Variants in CLTCL1 observed in about 807,000 individuals in gnomAD.
CLTCL1 encodes the protein clathrin heavy chain like 1, also known as clathrin heavy chain 2.
CLTCL1 carries 159 observed loss-of-function variants against 190.0 expected under a neutral mutation model. The observed-to-expected ratio is 0.84, with a 90% CI of 0.74 to 0.95. The LOEUF (loss-of-function observed/expected upper bound fraction) is 0.95, where lower values mean the gene tolerates loss of function less well. CLTCL1 is among the 40% of genes least tolerant of loss of function. The probability of loss-of-function intolerance (pLI) is 0.00; values close to 1 mark genes in which losing one functional copy is unlikely to be tolerated. For synonymous variants in CLTCL1, 752 were observed against 769.6 expected, an observed-to-expected ratio of 0.98 and a Z score of 0.38; for missense variants, 1,878 against 2,033.4, an observed-to-expected ratio of 0.92 and a Z score of 1.47.
rs2085969483 is a variant in CLTCL1, at chr22:19,233,210, C to A, written c.1477G>T (p.Ala493Ser). The change falls in exon 9 of 33, where the codon GCA becomes TCA. Residue 493 changes from alanine (A) to serine (S), a missense_variant. Coordinates refer to ENST00000427926, the MANE Select transcript of CLTCL1 (RefSeq NM_007098.4). Reference protein sequence around the residue: ...NVPSKVIQCFAETGQFQKIVL... With the variant: ...NVPSKVIQCFSETGQFQKIVL... ...ATTTTCTGGAATTGGCCTGTTTCTGCAAAACACTGGATCACTTTGCTTGGC... is the reference window on the plus strand; with the variant it reads ...ATTTTCTGGAATTGGCCTGTTTCTGAAAAACACTGGATCACTTTGCTTGGC... 14 of 1,613,830 alleles carry A rather than the reference C, an allele frequency of 8.7e-6. No individual in the cohort carries two copies. The highest frequency in any genetic ancestry group is 1.3e-5 in the African/African-American group (1 of 74,940).
Position 19,226,222 on chromosome 22 carries a change from G to A in CLTCL1, c.1944C>T (p.Pro648=), listed in dbSNP as rs782294157. ...AGTGCCCAGGGGTACACAGTACCTCGGGATTGAGGAGGTGAGTGTGGACCA... is the reference window on the plus strand; with the variant it reads ...AGTGCCCAGGGGTACACAGTACCTCAGGATTGAGGAGGTGAGTGTGGACCA... ...RAVVHTHLLN[P]EWLVNFFGSL... Residue 648 remains proline, a synonymous_variant, in exon 12 of 33, where the codon CCC becomes CCT. Coordinates refer to ENST00000427926, the MANE Select transcript of CLTCL1 (RefSeq NM_007098.4). The A allele has an allele frequency of 9.9e-6, 16 of 1,613,436 alleles. 1 individual carries two copies. Among genetic ancestry groups the A allele is most frequent in the Middle Eastern group, 1.7e-4 (1 of 5,934 alleles).
chr22:19,291,512 CG>C, intron 1 of CLTCL1, 87 bp downstream of exon 1: 7 of 1,183,096 alleles, frequency 5.9e-6, no homozygotes, highest in South Asian at 3.0e-5. Context: ...AGCGGCTCAG[CG>C]GGGCTGGGGG....
At position 19,196,485 on chromosome 22, in the gene CLTCL1, G is replaced by C; in HGVS notation, c.4041+4C>G. 6.2e-7 allele frequency: 1 copy of C among 1,614,086 alleles called. No individual in the cohort carries two copies. Among genetic ancestry groups the C allele is most frequent in the Non-Finnish European group, 8.5e-7 (1 of 1,179,898 alleles). On this transcript the variant is annotated splice_donor_region_variant and intron_variant, in intron 25 of 32. Transcript: ENST00000427926. ...GCTGCCAGACTGCAAGGAGTACACGGTACCTTTGGGATGTTGACACGGGAC... is the reference window on the plus strand; with the variant it reads ...GCTGCCAGACTGCAAGGAGTACACGCTACCTTTGGGATGTTGACACGGGAC...
At chr22:19,267,019 C>A (rs2087142696) in intron 2 of CLTCL1, among the ~76,000 whole-genome samples, 1 of 152,072 alleles carries the variant, frequency 6.6e-6, no homozygotes, top group Non-Finnish European at 1.5e-5. Context: ...CAAACAGAAT[C>A]TGGATTAGAA....
intron 1 of CLTCL1, among the ~76,000 whole-genome samples, chr22:19,283,592 T>C (rs1220861839): frequency 7.3e-5 from 11 of 151,420 alleles, no homozygotes; most frequent in African/African-American, 2.7e-4. Flanking sequence ...TAGCTACACA[T>C]TTTAAATGGC....
intron 3 of CLTCL1, among the ~76,000 whole-genome samples, chr22:19,245,452 A>T (rs2086390272): frequency 6.6e-6 from 1 of 152,092 alleles, no homozygotes; most frequent in Non-Finnish European, 1.5e-5. Context: ...TTGGCTTCCC[A>T]AAGTGCTGGG....
chr22:19,248,154 G>A (rs1265264334), intron 3 of CLTCL1, among the ~76,000 whole-genome samples: 2 of 151,922 alleles, frequency 1.3e-5, no homozygotes, highest in Non-Finnish European at 2.9e-5. Flanking sequence ...AAATTAGCCA[G>A]GTGTGGTGGT....
chr22:19,196,567 G>A lies in CLTCL1; in HGVS notation c.3963C>T (p.Ala1321=). 1 of 1,613,910 alleles carries A rather than the reference G, an allele frequency of 6.2e-7. No homozygotes were observed. Among genetic ancestry groups the A allele is most frequent in the Non-Finnish European group, 8.5e-7 (1 of 1,179,836 alleles). ...GTGGCTTGAATTTGGAGTAGAGGATGGCCAGCTCAGTGAACATGCCCATGT... is the reference window on the plus strand; with the variant it reads ...GTGGCTTGAATTTGGAGTAGAGGATAGCCAGCTCAGTGAACATGCCCATGT... ...RAHMGMFTEL[A]ILYSKFKPQK... The change falls in exon 25 of 33, where the codon GCC becomes GCT. Residue 1321 remains alanine, a synonymous_variant. Transcript: ENST00000427926.
intron 1 of CLTCL1, among the ~76,000 whole-genome samples, chr22:19,282,820 G>A (rs192372379): frequency 6.6e-6 from 1 of 150,754 alleles, no homozygotes; most frequent in African/African-American, 2.4e-5. Flanking sequence ...CAGGAACTAA[G>A]TCCCAGAAAA....
chr22:19,282,305 G>A, intron 1 of CLTCL1, among the ~76,000 whole-genome samples: 1 of 151,282 alleles, frequency 6.6e-6, no homozygotes, highest in Admixed American at 6.6e-5. Context: ...CTCCAGCCTG[G>A]CGACAGAGCC....
At chr22:19,277,228 G>A (rs1380318799) in intron 1 of CLTCL1, among the ~76,000 whole-genome samples, 1 of 152,162 alleles carries the variant, frequency 6.6e-6, no homozygotes, top group African/African-American at 2.4e-5. Flanking sequence ...TCCAGCTGCT[G>A]AGTGGAGCAG....
At chr22:19,248,452 A>T (rs1404870016) in intron 3 of CLTCL1, among the ~76,000 whole-genome samples, 1 of 152,084 alleles carries the variant, frequency 6.6e-6, no homozygotes, top group East Asian at 1.9e-4. Context: ...ATACCATCCA[A>T]TGTTTCTTCG....
chr22:19,259,940 T>C (rs1422003751), intron 2 of CLTCL1, among the ~76,000 whole-genome samples: 3 of 152,166 alleles, frequency 2.0e-5, no homozygotes, highest in African/African-American at 7.2e-5. Flanking sequence ...AAAAGTTATT[T>C]AAGGAAATTA....
At chr22:19,266,921 C>T (rs986287107) in intron 2 of CLTCL1, among the ~76,000 whole-genome samples, 1 of 152,174 alleles carries the variant, frequency 6.6e-6, no homozygotes, top group Non-Finnish European at 1.5e-5. Context: ...AAAACTCCCC[C>T]CTAAGGTCAG....
intron 4 of CLTCL1, among the ~76,000 whole-genome samples, chr22:19,241,004 G>A (rs556394258): frequency 4.5e-4 from 69 of 152,348 alleles, no homozygotes; most frequent in African/African-American, 1.6e-3. Flanking sequence ...GGGCACAGGC[G>A]GGGCGGGCAC....
At chr22:19,208,776 T>TTAAAAAA in intron 21 of CLTCL1, 146 bp downstream of exon 21, 1 of 663,034 alleles carries the variant, frequency 1.5e-6, no homozygotes, top group South Asian at 2.3e-5. Flanking sequence ...TCTCAGACTC[T>TTAAAAAA]TGTGGGAAAC....
chr22:19,221,741 G>C, intron 16 of CLTCL1, 130 bp from the exon 17 acceptor site: 1 of 965,288 alleles, frequency 1.0e-6, no homozygotes, highest in Non-Finnish European at 1.5e-6. Context: ...GTTGCTCTAG[G>C]GACCAAGATG....
In CLTCL1 at chr22:19,235,787, A is replaced by T. The variant is rs1555961761; in HGVS notation, c.878T>A (p.Ile293Asn). The change falls in exon 6 of 33, where the codon ATC becomes AAC. Residue 293 changes from isoleucine to asparagine, a missense_variant. Ile to Asn is a moderately radical substitution (Grantham distance 149). Transcript: ENST00000427926. ...HLYDLESGVC[I>N]CMNRISADTI... ...GTCAGCACTAATACGGTTCATGCAG[A>T]TGCACACGCCAGACTCTAGGTCGTA... is the stretch of plus-strand genomic sequence containing the variant. 2.5e-6 allele frequency: 4 copies of T among 1,613,874 alleles called. No homozygotes were observed. Among genetic ancestry groups the T allele is most frequent in the Non-Finnish European group, 3.4e-6 (4 of 1,179,876 alleles).
chr22:19,221,370 T>A lies in CLTCL1; in HGVS notation c.2796+7A>T. The A allele has an allele frequency of 6.5e-7, 1 of 1,540,534 alleles. No individual in the cohort carries two copies. The highest frequency in any genetic ancestry group is 8.8e-7 in the Non-Finnish European group (1 of 1,139,166). ...TACATGGGCAGCTCAGCACATCTGC[T>A]ACCCACCTTGATGAGCTCAAGGTCA... On this transcript the variant is annotated splice_region_variant and intron_variant, in intron 17 of 32. Coordinates refer to ENST00000427926, the MANE Select transcript of CLTCL1 (RefSeq NM_007098.4).
Sources: gnomAD v4.1 joint callset for allele counts (sites outside exome capture counted in the v4.1 genomes callset) on GRCh38, gnomAD v4.1.1 for gene constraint, MANE v1.5 for transcripts, NCBI Gene and HGNC (gene_info 2026-07-23, HGNC 2026-07-21) for gene names.